The following LRRK2 variants were observed in gnomAD, a reference collection of about 807,000 sequenced individuals.
The protein encoded by LRRK2 is leucine-rich repeat serine/threonine-protein kinase 2.
LRRK2 carries 203 observed loss-of-function variants against 302.6 expected under a neutral mutation model. That is an observed-to-expected ratio of 0.67 (90% CI 0.60 to 0.75). The LOEUF is 0.75. Among genes scored for constraint, LRRK2 ranks in the 30% least tolerant of loss-of-function variants. The pLI, the probability that LRRK2 is intolerant of heterozygous loss-of-function variation, is 0.00. For missense variants in LRRK2, 2,830 were observed against 2,951.0 expected (o/e 0.96, Z 0.95); for synonymous variants, 1,066 against 1,031.9 (o/e 1.03, Z -0.63).
intron 11 of LRRK2, among the ~76,000 whole-genome samples, chr12:40,254,030 T>C (rs1172064571): frequency 1.3e-5 from 2 of 152,218 alleles, no homozygotes; most frequent in Non-Finnish European, 2.9e-5. Context: ...AAATGGCTTG[T>C]ATCCCTTTAG....
chr12:40,277,912 C>T lies in LRRK2; in HGVS notation c.1966C>T (p.Leu656Phe), dbSNP rs1194888702. The change falls in exon 17 of 51, where the codon CTC becomes TTC. Residue 656 changes from leucine (L) to phenylalanine (F), a missense_variant. Physicochemically the swap from Leu to Phe is conservative, Grantham distance 22. Coordinates refer to ENST00000298910, the MANE Select transcript of LRRK2 (RefSeq NM_198578.4). ...GGGATTTCAGACAATCTTAGCAATC[C>T]TCAAATTGTCAGCATCTTTTTCTAA... ...TKGFQTILAILKLSASFSKLL... is the reference protein window; with the variant it reads ...TKGFQTILAIFKLSASFSKLL... 1 of 1,610,464 alleles carries T rather than the reference C, an allele frequency of 6.2e-7. No homozygotes were observed. The highest frequency in any genetic ancestry group is 2.2e-5 in the East Asian group (1 of 44,804).
intron 38 of LRRK2, among the ~76,000 whole-genome samples, chr12:40,326,850 A>G (rs1404362155): frequency 2.0e-5 from 3 of 152,262 alleles, no homozygotes; most frequent in Non-Finnish European, 4.4e-5. Context: ...GACTGATAAG[A>G]TGCAAATAAT....
chr12:40,231,570 C>T (rs61931634), intron 2 of LRRK2, among the ~76,000 whole-genome samples: 27,516 of 66,180 alleles, frequency 0.42, 3,307 homozygotes, highest in Middle Eastern at 0.59. Context: ...AAAACAAAAA[C>T]AAAACCAAAA....
At chr12:40,246,324 G>T (rs2723272) in intron 7 of LRRK2, among the ~76,000 whole-genome samples, 147,449 of 152,044 alleles carry the variant, frequency 0.97, 71,651 homozygotes, top group Middle Eastern at 1. Context: ...CTAAGCTACT[G>T]TGCACTTCCT....
At chr12:40,351,867 A>G (rs1450931077) in intron 44 of LRRK2, 134 bp downstream of exon 44, 8 of 943,806 alleles carry the variant, frequency 8.5e-6, no homozygotes, top group East Asian at 2.6e-5. Flanking sequence ...AAGAGTATTC[A>G]AGAGCAAATG....
rs1356271506 is a variant in LRRK2, at chr12:40,235,675, G to T, written c.397G>T (p.Val133Leu). The T allele has an allele frequency of 6.2e-7, 1 of 1,609,808 alleles. No individual in the cohort carries two copies. Among genetic ancestry groups the T allele is most frequent in the Non-Finnish European group, 8.5e-7 (1 of 1,176,342 alleles). ...TVHNASVNLS[V>L]IGLKTLDLLL... ...TCATAATGCCAGTGTAAACTTGTCA[G>T]TGATTGGACTGAAGACCTTAGATCT... The change falls in exon 4 of 51, where the codon GTG (valine) becomes TTG (leucine). Residue 133 changes from valine to leucine, a missense_variant. Physicochemically the swap from Val to Leu is conservative, Grantham distance 32 (BLOSUM62 1). Around this residue, in one of 3 missense-constraint regions of LRRK2, gnomAD observed 2,121 missense variants for 2,148.0 expected, o/e 0.99. Coordinates refer to ENST00000298910, the MANE Select transcript of LRRK2 (RefSeq NM_198578.4).
At chr12:40,276,202 GGA>G (rs1943443519) in intron 16 of LRRK2, among the ~76,000 whole-genome samples, 2 of 152,090 alleles carry the variant, frequency 1.3e-5, no homozygotes, top group Non-Finnish European at 2.9e-5. Context: ...CAGTTACTCT[GGA>G]TTAATTCATC....
chr12:40,301,706 C>A (rs1944633459), intron 25 of LRRK2, among the ~76,000 whole-genome samples: 1 of 152,152 alleles, frequency 6.6e-6, no homozygotes, highest in African/African-American at 2.4e-5. Context: ...ACTAATTCCT[C>A]AATCCGTTTT....
chr12:40,335,441 A>G (rs190182663), intron 40 of LRRK2, among the ~76,000 whole-genome samples: 7 of 152,238 alleles, frequency 4.6e-5, no homozygotes, highest in Admixed American at 1.3e-4. Flanking sequence ...ATAAAAATGT[A>G]TAAGTTAGGC....
intron 31 of LRRK2, among the ~76,000 whole-genome samples, chr12:40,312,256 A>T (rs1049882775): frequency 2.6e-5 from 4 of 152,274 alleles, no homozygotes; most frequent in Admixed American, 1.3e-4. Context: ...ACTTTTTACA[A>T]GGAAATAAAA....
At position 40,287,569 on chromosome 12, in the gene LRRK2, CT is replaced by C. The variant is rs1197462978; in HGVS notation, c.2689+33del. ...TTATTATAAAAAAAAACCCTTTATG[CT>C]TTATATTTACACACTGACATTGAAC... On this transcript the variant is annotated intron_variant, in intron 20 of 50. Transcript: ENST00000298910. 3 of 1,600,578 alleles carry C rather than the reference CT, an allele frequency of 1.9e-6. No homozygotes were observed. In the African/African-American group the frequency reaches 4.0e-5, roughly 22 times the overall value.
At chr12:40,277,199 C>A (rs1943493521) in intron 16 of LRRK2, among the ~76,000 whole-genome samples, 1 of 152,030 alleles carries the variant, frequency 6.6e-6, no homozygotes. Context: ...CTTTACCCAA[C>A]CTAAATAATA....
intron 47 of LRRK2, among the ~76,000 whole-genome samples, chr12:40,361,667 A>G (rs1008533696): frequency 1.3e-5 from 2 of 152,084 alleles, no homozygotes; most frequent in African/African-American, 4.8e-5. Flanking sequence ...TTTACTAGAG[A>G]GCATCCATAA....
At position 40,229,207 on chromosome 12, in the gene LRRK2, G is replaced by A. The variant is rs200784802; in HGVS notation, c.238-3067G>A. On this transcript the variant is annotated intron_variant, in intron 2 of 50. Coordinates refer to ENST00000298910, the MANE Select transcript of LRRK2 (RefSeq NM_198578.4). Reference sequence around the variant, plus strand: ...TATATTATTAGTATAATTACTGTAAGTATCCTTTACTGCTTTATATGTTGA... The same window carrying A: ...TATATTATTAGTATAATTACTGTAAATATCCTTTACTGCTTTATATGTTGA... 2.6e-5 allele frequency among the ~76,000 whole-genome samples: 4 copies of A among 152,150 alleles called. No homozygotes were observed. The East Asian group carries it at 7.7e-4, about 29-fold the overall frequency.
chr12:40,283,742 T>G, intron 18 of LRRK2, 133 bp from the exon 19 acceptor site: 1 of 704,576 alleles, frequency 1.4e-6, no homozygotes, highest in Non-Finnish European at 2.3e-6. Context: ...CAAGGATCAG[T>G]TTTGCCTTAT....
rs767884044 is a variant in LRRK2 at position 40,283,852 on chromosome 12, A to G, written c.2242-23A>G. 3 of 1,594,042 alleles carry G rather than the reference A, an allele frequency of 1.9e-6. No individual in the cohort carries two copies. The South Asian group carries it at 3.4e-5, about 18-fold the overall frequency. ...GAAGAAAAATGTAGATTTTTAATATACTTAATTTTTTTTCTTTAATAGGTA... is the reference window on the plus strand; with the variant it reads ...GAAGAAAAATGTAGATTTTTAATATGCTTAATTTTTTTTCTTTAATAGGTA... On this transcript the variant is annotated intron_variant, in intron 18 of 50. Coordinates refer to ENST00000298910, the MANE Select transcript of LRRK2 (RefSeq NM_198578.4).
At chr12:40,319,486 A>G (rs934276527) in intron 33 of LRRK2, among the ~76,000 whole-genome samples, 18 of 152,094 alleles carry the variant, frequency 1.2e-4, no homozygotes, top group Non-Finnish European at 2.9e-5. Context: ...AGACACTGCA[A>G]GTAGAATCCA....
At chr12:40,314,434 G>T (rs757463073) in intron 32 of LRRK2, among the ~76,000 whole-genome samples, 1 of 152,004 alleles carries the variant, frequency 6.6e-6, no homozygotes, top group Non-Finnish European at 1.5e-5. Context: ...AAATATTTGG[G>T]TTCTAGAACT....
intron 23 of LRRK2, among the ~76,000 whole-genome samples, chr12:40,296,261 T>C (rs1165942445): frequency 1.3e-5 from 2 of 152,218 alleles, no homozygotes; most frequent in Non-Finnish European, 2.9e-5. Flanking sequence ...TTGTATGTAC[T>C]ACAGATCAAA....
Sources: gnomAD v4.1 joint callset for allele counts (sites outside exome capture counted in the v4.1 genomes callset) on GRCh38, gnomAD v4.1.1 for gene constraint, gnomAD v4.1.1 regional missense constraint, MANE v1.5 for transcripts, NCBI Gene and HGNC (gene_info 2026-07-23, HGNC 2026-07-21) for gene names.